The following NCAM1 variants were observed in gnomAD, a reference collection of about 807,000 sequenced individuals.
NCAM1 encodes the protein neural cell adhesion molecule 1.
In NCAM1, 14 loss-of-function variants were observed where a neutral mutation model predicts 109.8. The observed-to-expected ratio is 0.13, with a 90% CI of 0.08 to 0.20. The LOEUF is 0.20. Among genes scored for constraint, NCAM1 ranks in the 10% least tolerant of loss-of-function variants. NCAM1 has a pLI of 1.00. For missense variants in NCAM1, 774 were observed against 1,109.9 expected, an observed-to-expected ratio of 0.70 and a Z score of 4.30; for synonymous variants, 418 against 442.9, an observed-to-expected ratio of 0.94 and a Z score of 0.70.
intron 9 of NCAM1, chr11:113,231,047 C>T (rs1555117100): frequency 1.3e-6 from 1 of 743,824 alleles, no homozygotes; most frequent in East Asian, 2.7e-5. Flanking sequence ...ACTCTCACTT[C>T]CAGTGCAGTG....
chr11:113,012,837 C>T (rs139441943), intron 1 of NCAM1, among the ~76,000 whole-genome samples: 107 of 152,268 alleles, frequency 7.0e-4, no homozygotes, highest in African/African-American at 2.5e-3. Flanking sequence ...TCCAGGTGAA[C>T]ATGAATTTTT....
chr11:113,231,481 G>A, intron 9 of NCAM1, 164 bp from the exon 10 acceptor site: 2 of 879,582 alleles, frequency 2.3e-6, no homozygotes, highest in Non-Finnish European at 1.7e-6. Flanking sequence ...CCCATTAGAT[G>A]GTACCTAAAG....
chr11:113,249,080 T>C (rs1354727464), intron 15 of NCAM1, among the ~76,000 whole-genome samples: 2 of 152,232 alleles, frequency 1.3e-5, no homozygotes, highest in African/African-American at 4.8e-5. Context: ...TGTCTGAGCA[T>C]GGCGCCCTCC....
In NCAM1 at chr11:113,241,473, G is replaced by A. The variant is rs191568460; in HGVS notation, c.1826-4895G>A. Among the ~76,000 whole-genome samples, 8 of 152,108 alleles carry A rather than the reference G, an allele frequency of 5.3e-5. No homozygotes were observed. In the East Asian group the frequency reaches 1.2e-3, roughly 22 times the overall value. On this transcript the variant is annotated intron_variant, in intron 14 of 19. Transcript: ENST00000316851. Reference sequence around the variant, plus strand: ...TAGGATGAGTAGTCACCCACGTCCCGCCACCCTAAAGAAAATCACAAACAT... The same window carrying A: ...TAGGATGAGTAGTCACCCACGTCCCACCACCCTAAAGAAAATCACAAACAT...
intron 1 of NCAM1, among the ~76,000 whole-genome samples, chr11:113,083,778 G>A (rs985120316): frequency 9.9e-5 from 15 of 152,144 alleles, no homozygotes; most frequent in African/African-American, 2.9e-4. Flanking sequence ...GGTGGCCCCA[G>A]GATCACTTTT....
chr11:113,070,673 G>A (rs565394801), intron 1 of NCAM1, among the ~76,000 whole-genome samples: 1 of 152,184 alleles, frequency 6.6e-6, no homozygotes, highest in Non-Finnish European at 1.5e-5. Context: ...AAAAAGGATT[G>A]ATAGGAATAC....
At chr11:113,158,739 T>C (rs1351326696) in intron 1 of NCAM1, among the ~76,000 whole-genome samples, 3 of 152,200 alleles carry the variant, frequency 2.0e-5, no homozygotes, top group Admixed American at 6.5e-5. Context: ...CTGAGATGTG[T>C]AGTAGACATG....
intron 1 of NCAM1, among the ~76,000 whole-genome samples, chr11:113,079,281 G>T (rs1249156285): frequency 6.6e-6 from 1 of 152,210 alleles, no homozygotes; most frequent in Non-Finnish European, 1.5e-5. Flanking sequence ...ATGCTGAGAT[G>T]GAGGCAACAG....
intron 1 of NCAM1, among the ~76,000 whole-genome samples, chr11:112,983,650 A>G (rs1193291205): frequency 2.0e-5 from 3 of 152,120 alleles, no homozygotes; most frequent in South Asian, 4.1e-4. Context: ...GCTTTATCAT[A>G]ATAGCCAAAT....
chr11:113,185,013 A>G lies in NCAM1; in HGVS notation c.53-17366A>G, dbSNP rs564331698. 1.9e-4 allele frequency among the ~76,000 whole-genome samples: 28 copies of G among 147,606 alleles called. No homozygotes were observed. The South Asian group carries it at 4.8e-3, about 25-fold the overall frequency. On this transcript the variant is annotated intron_variant, in intron 1 of 19. Coordinates refer to ENST00000316851, the MANE Select transcript of NCAM1 (RefSeq NM_181351.5). ...AGGAGATACATACACACACATGCAT[A>G]TAAGTGTGTGTGTATATATACATTA...
intron 15 of NCAM1, among the ~76,000 whole-genome samples, chr11:113,248,947 C>T (rs1433324999): frequency 6.6e-6 from 1 of 152,154 alleles, no homozygotes. Flanking sequence ...GGGCTTCCTC[C>T]AATGACTCCA....
intron 1 of NCAM1, among the ~76,000 whole-genome samples, chr11:113,041,680 G>GAA (rs3839947): frequency 0.01 from 1,525 of 151,490 alleles, 25 homozygotes; most frequent in African/African-American, 0.034. Context: ...TATTGTGTCT[G>GAA]AAAAAAAAAT....
chr11:113,061,454 G>C (rs1469034167), intron 1 of NCAM1, among the ~76,000 whole-genome samples: 1 of 152,216 alleles, frequency 6.6e-6, no homozygotes, highest in East Asian at 1.9e-4. Flanking sequence ...TTATGGAAGT[G>C]GTATACCAAA....
At chr11:113,053,284 A>G (rs1953576766) in intron 1 of NCAM1, among the ~76,000 whole-genome samples, 1 of 152,160 alleles carries the variant, frequency 6.6e-6, no homozygotes, top group Admixed American at 6.5e-5. Flanking sequence ...TATATGTACC[A>G]CATTTTCTTT....
intron 1 of NCAM1, among the ~76,000 whole-genome samples, chr11:113,037,785 T>C (rs1449174436): frequency 3.3e-5 from 5 of 152,250 alleles, no homozygotes; most frequent in Admixed American, 3.3e-4. Context: ...CTGGTCCTCA[T>C]GTTGACATGT....
At chr11:113,253,604 A>T (rs1417604148) in intron 15 of NCAM1, among the ~76,000 whole-genome samples, 1 of 152,140 alleles carries the variant, frequency 6.6e-6, no homozygotes, top group Non-Finnish European at 1.5e-5. Flanking sequence ...CAGCCTTGAA[A>T]ACTCACACAG....
intron 17 of NCAM1, chr11:113,262,892 T>G (rs1946048576): frequency 6.2e-7 from 1 of 1,613,836 alleles, no homozygotes; most frequent in Non-Finnish European, 8.5e-7. Context: ...TCTCATTGCT[T>G]TTCTCTGCAG....
At chr11:113,191,222 T>C (rs1943664615) in intron 1 of NCAM1, among the ~76,000 whole-genome samples, 1 of 152,114 alleles carries the variant, frequency 6.6e-6, no homozygotes, top group Admixed American at 6.5e-5. Context: ...CTGGACCCAC[T>C]GGTGGTGAGG....
chr11:113,058,832 G>A (rs905516637), intron 1 of NCAM1, among the ~76,000 whole-genome samples: 2 of 152,180 alleles, frequency 1.3e-5, no homozygotes, highest in African/African-American at 4.8e-5. Context: ...GCCACTGGGA[G>A]CACGTTATAT....
Sources: gnomAD v4.1 joint callset for allele counts (sites outside exome capture counted in the v4.1 genomes callset) on GRCh38, gnomAD v4.1.1 for gene constraint, MANE v1.5 for transcripts, NCBI Gene and HGNC (gene_info 2026-07-23, HGNC 2026-07-21) for gene names.